KNTC1: variants seen among roughly 807,000 people sequenced by gnomAD.
KNTC1 encodes kinetochore-associated protein 1.
A neutral mutation model predicts 314.4 loss-of-function variants in KNTC1; 253 were observed. The observed-to-expected ratio is 0.80, with a 90% confidence interval of 0.73 to 0.89. The LOEUF is 0.89. Ranked by LOEUF, KNTC1 falls within the 40% of genes least tolerant of loss-of-function variation. The pLI is 0.00. For missense variants in KNTC1, 2,475 were observed against 2,572.9 expected, an observed-to-expected ratio of 0.96 and a Z score of 0.82; for synonymous variants, 901 against 901.4, an observed-to-expected ratio of 1.00 and a Z score of 0.01.
intron 12 of KNTC1, among the ~76,000 whole-genome samples, chr12:122,548,353 G>T (rs1196940591): frequency 6.6e-6 from 1 of 151,920 alleles, no homozygotes; most frequent in Non-Finnish European, 1.5e-5. Flanking sequence ...GGGATTACAG[G>T]TGCCTGCCGC....
At chr12:122,622,098 CT>C in intron 61 of KNTC1, 128 bp downstream of exon 61, 1 of 759,088 alleles carries the variant, frequency 1.3e-6, no homozygotes, top group Non-Finnish European at 2.2e-6. Flanking sequence ...AATTATTTTG[CT>C]TTTACTAAAA....
At chr12:122,552,358 C>T (rs985551524) in intron 16 of KNTC1, among the ~76,000 whole-genome samples, 7 of 151,974 alleles carry the variant, frequency 4.6e-5, no homozygotes, top group Non-Finnish European at 8.8e-5. Context: ...ATATGGGCAG[C>T]AGAGTAAAAG....
chr12:122,571,214 T>C (rs1361896359), intron 24 of KNTC1, 88 bp downstream of exon 24: 1 of 891,704 alleles, frequency 1.1e-6, no homozygotes, highest in Non-Finnish European at 1.7e-6. Flanking sequence ...TCTGGAAATA[T>C]ATCTACTTCT....
intron 16 of KNTC1, among the ~76,000 whole-genome samples, chr12:122,554,043 T>A (rs1246852842): frequency 4.3e-5 from 6 of 140,588 alleles, no homozygotes; most frequent in Non-Finnish European, 9.0e-5. Flanking sequence ...ATAACGGTTT[T>A]AAACATACAG....
In KNTC1 at chr12:122,575,200, G is replaced by A. The variant is rs1337005756; in HGVS notation, c.2383-343G>A. ...CGCTTGAACCCAGGAGGTGGAGGTT[G>A]CAGTGAGCTGAGATCGCGCCACTGC... On this transcript the variant is annotated intron_variant, in intron 27 of 63. Coordinates refer to ENST00000333479, the MANE Select transcript of KNTC1 (RefSeq NM_014708.6). Among the ~76,000 whole-genome samples, 4 of 152,262 alleles carry A rather than the reference G, an allele frequency of 2.6e-5. No homozygotes were observed. The South Asian group carries it at 6.2e-4, about 24-fold the overall frequency.
chr12:122,530,255 G>C, intron 2 of KNTC1, 63 bp downstream of exon 2: 1 of 1,390,618 alleles, frequency 7.2e-7, no homozygotes, highest in Non-Finnish European at 1.0e-6. Flanking sequence ...AGTAGGGCTA[G>C]TGGCCCACAG....
intron 20 of KNTC1, chr12:122,563,791 C>A: frequency 6.8e-7 from 1 of 1,478,268 alleles, no homozygotes; most frequent in South Asian, 1.4e-5. Flanking sequence ...TATGATGACT[C>A]TTCCACAGTT....
rs754010103 is a variant in KNTC1, at chr12:122,605,380, G to C, written c.5461G>C (p.Glu1821Gln). The change falls in exon 51 of 64, where the codon GAA becomes CAA. Residue 1821 changes from glutamate (E) to glutamine (Q), a missense_variant. Transcript: ENST00000333479. The part of the protein sequence containing the change: ...NLEKVWDMLL[E>Q]KWLCPSTKPG... ...GGAAAAAGTCTGGGACATGTTGTTG[G>C]AAAAATGGCTATGCCCTTCAACAAA... The C allele has an allele frequency of 1.9e-6, 3 of 1,602,562 alleles. No individual in the cohort carries two copies. In the Admixed American group the frequency reaches 5.1e-5, roughly 27 times the overall value.
rs373740849 is a variant in KNTC1 at position 122,544,137 on chromosome 12, G to A, written c.559-22G>A. On this transcript the variant is annotated intron_variant, in intron 7 of 63. Coordinates refer to ENST00000333479, the MANE Select transcript of KNTC1 (RefSeq NM_014708.6). ...CATAAATATGTATTATATATATGAC[G>A]TTGTTGTTTTTAATTTTGCAGTTAC... 726 of 991,996 alleles carry A rather than the reference G, an allele frequency of 7.3e-4. 7 individuals carry two copies. The highest frequency in any genetic ancestry group is 6.2e-3 in the South Asian group (428 of 68,680). 61.4% of individuals were successfully genotyped at this position (991,996 alleles called of 1,614,324 possible).
At chr12:122,533,549 T>A (rs1382583556) in intron 2 of KNTC1, among the ~76,000 whole-genome samples, 1 of 151,958 alleles carries the variant, frequency 6.6e-6, no homozygotes, top group Admixed American at 6.6e-5. Flanking sequence ...AAAAGAAAAT[T>A]AGCCAGGTGT....
At chr12:122,565,101 G>A (rs147835156) in intron 20 of KNTC1, among the ~76,000 whole-genome samples, 1,607 of 151,984 alleles carry the variant, frequency 0.011, 29 homozygotes, top group African/African-American at 0.037. Flanking sequence ...CTAATCTGAT[G>A]TATGCAAAAA....
At chr12:122,622,008 G>A in intron 61 of KNTC1, 38 bp downstream of exon 61, 3 of 1,368,678 alleles carry the variant, frequency 2.2e-6, no homozygotes, top group Non-Finnish European at 3.1e-6. Context: ...CTATGAAAAT[G>A]TTGATACTAG....
chr12:122,624,711 A>G lies in KNTC1; in HGVS notation c.6606+23A>G, dbSNP rs745725755. ...AAGGTAAAGCTGATGGAAAGTTCTT[A>G]GGTTCTAACTTGACATTGTTTATAT... On this transcript the variant is annotated intron_variant, in intron 63 of 63. Transcript: ENST00000333479. 7.1e-6 allele frequency: 11 copies of G among 1,543,142 alleles called. No homozygotes were observed. In the South Asian group the frequency reaches 1.1e-4, roughly 16 times the overall value.
chr12:122,543,471 C>A (rs1244169391), intron 6 of KNTC1, 129 bp from the exon 7 acceptor site: 4 of 698,932 alleles, frequency 5.7e-6, no homozygotes, highest in Non-Finnish European at 9.3e-6. Context: ...TGGTCAGGGG[C>A]AAAACTTAAT....
intron 42 of KNTC1, chr12:122,592,907 T>G (rs1870485715): frequency 6.6e-6 from 1 of 152,330 alleles, no homozygotes; most frequent in Admixed American, 6.6e-5. Flanking sequence ...TCCACGCTGT[T>G]TTTATGAGCT....
Position 122,597,833 on chromosome 12 carries a change from T to C in KNTC1, c.4458T>C (p.Ser1486=), listed in dbSNP as rs373794984. ...GQGQGDASMD[S]AKRRHPKLLA... ...GCCAGGGAGATGCAAGCATGGACTC[T>C]GCAAAGCGGCGGCATCCCAAACTCC... Residue 1486 remains serine (S), a synonymous_variant, in exon 44 of 64, where the codon TCT becomes TCC. Transcript: ENST00000333479. The C allele has an allele frequency of 1.2e-5, 20 of 1,614,052 alleles. No individual in the cohort carries two copies. Among genetic ancestry groups the C allele is most frequent in the Non-Finnish European group, 1.6e-5 (19 of 1,179,900 alleles).
At chr12:122,605,479 C>T in intron 51 of KNTC1, 64 bp downstream of exon 51, 1 of 763,934 alleles carries the variant, frequency 1.3e-6, no homozygotes, top group Non-Finnish European at 2.2e-6. Context: ...TTCTCAAAGG[C>T]TAAATATTTA....
chr12:122,617,881 A>C (rs1437259988), intron 57 of KNTC1, among the ~76,000 whole-genome samples: 2 of 152,230 alleles, frequency 1.3e-5, no homozygotes, highest in East Asian at 3.8e-4. Flanking sequence ...GTTGAGATAC[A>C]ATTCACTTGT....
chr12:122,541,926 G>A, intron 5 of KNTC1, 124 bp from the exon 6 acceptor site: 1 of 849,312 alleles, frequency 1.2e-6, no homozygotes, highest in South Asian at 2.1e-5. Flanking sequence ...GGCTGAGGCA[G>A]GAGAATTGCA....
Sources: gnomAD v4.1 joint callset for allele counts (sites outside exome capture counted in the v4.1 genomes callset) on GRCh38, gnomAD v4.1.1 for gene constraint, MANE v1.5 for transcripts, NCBI Gene and HGNC (gene_info 2026-07-23, HGNC 2026-07-21) for gene names.